RBFOX1: variants seen among roughly 807,000 people sequenced by gnomAD.
RBFOX1 encodes RNA binding protein fox-1 homolog 1.
In RBFOX1, 8 loss-of-function variants were observed where a neutral mutation model predicts 57.7. The observed-to-expected ratio is 0.14, with a 90% CI of 0.08 to 0.25. The LOEUF is 0.25. RBFOX1 is among the 10% of genes least tolerant of loss of function. The probability of loss-of-function intolerance (pLI) is 1.00; values close to 1 mark genes in which losing one functional copy is unlikely to be tolerated. For synonymous variants in RBFOX1, 326 were observed against 222.4 expected, an observed-to-expected ratio of 1.47 and a Z score of -4.15; for missense variants, 611 against 548.5, an observed-to-expected ratio of 1.11 and a Z score of -1.14.
chr16:7,329,897 T>A (rs923714776), intron 4 of RBFOX1, among the ~76,000 whole-genome samples: 1 of 152,196 alleles, frequency 6.6e-6, no homozygotes, highest in African/African-American at 2.4e-5. Context: ...CCTACTAAAA[T>A]CAGCAGATTC....
At chr16:5,941,713 AT>A (rs142149498) in intron 4 of RBFOX1, among the ~76,000 whole-genome samples, 4,868 of 151,162 alleles carry the variant, frequency 0.032, 299 homozygotes, top group East Asian at 0.2. Context: ...GAATTATCCC[AT>A]TTTTTTTTCC....
intron 4 of RBFOX1, among the ~76,000 whole-genome samples, chr16:7,096,475 C>T (rs1012256030): frequency 3.3e-5 from 5 of 152,140 alleles, no homozygotes; most frequent in Admixed American, 1.3e-4. Flanking sequence ...GGGTGGACCA[C>T]ACTCATCCAA....
At chr16:5,441,648 A>C (rs756904627) in intron 1 of RBFOX1, among the ~76,000 whole-genome samples, 2 of 152,160 alleles carry the variant, frequency 1.3e-5, no homozygotes, top group Non-Finnish European at 2.9e-5. Context: ...TATGGGTGTG[A>C]GCCACTGTTC....
chr16:5,888,756 C>T (rs2057962949), intron 4 of RBFOX1, among the ~76,000 whole-genome samples: 1 of 142,924 alleles, frequency 7.0e-6, no homozygotes, highest in South Asian at 2.2e-4. Context: ...GCGATCGTGC[C>T]ACTGCACTCC....
intron 3 of RBFOX1, among the ~76,000 whole-genome samples, chr16:5,631,557 A>T (rs60197222): frequency 0.051 from 7,016 of 138,930 alleles, 541 homozygotes; most frequent in African/African-American, 0.17. Flanking sequence ...CTCCATATTT[A>T]AAAAAAAAAA....
At chr16:5,515,378 A>G (rs543487562) in intron 2 of RBFOX1, among the ~76,000 whole-genome samples, 2 of 152,234 alleles carry the variant, frequency 1.3e-5, no homozygotes, top group East Asian at 1.9e-4. Context: ...GATCAAGTAC[A>G]GGAAAGGAAC....
At chr16:5,736,827 C>A (rs1297759633) in intron 3 of RBFOX1, among the ~76,000 whole-genome samples, 1 of 149,900 alleles carries the variant, frequency 6.7e-6, no homozygotes, top group Non-Finnish European at 1.5e-5. Context: ...TTCTTTTTTC[C>A]CTCTTTTCTC....
In RBFOX1 at chr16:7,689,549, A is replaced by T. The variant is rs138071369; in HGVS notation, c.995+12711A>T. Among the ~76,000 whole-genome samples, 122 of 152,198 alleles carry T rather than the reference A, an allele frequency of 8.0e-4. 1 individual carries two copies. The highest frequency in any genetic ancestry group is 2.7e-3 in the African/African-American group (114 of 41,560). On this transcript the variant is annotated intron_variant, in intron 14 of 15. Coordinates refer to ENST00000550418, the MANE Select transcript of RBFOX1 (RefSeq NM_018723.4). ...CCAGACCTCTCTCCTGGAAATTCTG[A>T]TTCAGGTGGTCAGAGTTGAAACCCA...
At chr16:7,313,567 C>T (rs915617442) in intron 4 of RBFOX1, among the ~76,000 whole-genome samples, 44 of 149,282 alleles carry the variant, frequency 2.9e-4, no homozygotes, top group East Asian at 9.8e-4. Flanking sequence ...ATTTAGGTAA[C>T]GAGATAAGCC....
At chr16:7,167,400 G>A (rs1165707516) in intron 4 of RBFOX1, among the ~76,000 whole-genome samples, 2 of 152,006 alleles carry the variant, frequency 1.3e-5, no homozygotes, top group African/African-American at 4.8e-5. Flanking sequence ...AATGGAGGGA[G>A]ATTTGAAAAC....
chr16:6,588,634 A>C (rs1337946191), intron 2 of RBFOX1, among the ~76,000 whole-genome samples: 3 of 152,234 alleles, frequency 2.0e-5, no homozygotes, highest in Admixed American at 2.0e-4. Context: ...TCTGGGCAAC[A>C]GAGTGAGACT....
intron 3 of RBFOX1, among the ~76,000 whole-genome samples, chr16:6,817,304 C>G (rs888903849): frequency 5.3e-5 from 8 of 152,072 alleles, no homozygotes; most frequent in African/African-American, 1.7e-4. Context: ...ACACATTTAA[C>G]CAAAGCCCCT....
At chr16:6,875,698 G>A (rs566317073) in intron 3 of RBFOX1, among the ~76,000 whole-genome samples, 39 of 152,300 alleles carry the variant, frequency 2.6e-4, no homozygotes, top group South Asian at 1.7e-3. Flanking sequence ...CCCCTTCTCT[G>A]GTAGCCTAAA....
chr16:7,707,870 C>G (rs1353378938), intron 14 of RBFOX1, among the ~76,000 whole-genome samples: 3 of 152,204 alleles, frequency 2.0e-5, no homozygotes, highest in Admixed American at 6.5e-5. Flanking sequence ...TGAGGACACC[C>G]CATTCGGTAA....
At chr16:5,665,979 A>T (rs1268433067) in intron 3 of RBFOX1, among the ~76,000 whole-genome samples, 1 of 152,232 alleles carries the variant, frequency 6.6e-6, no homozygotes, top group Non-Finnish European at 1.5e-5. Context: ...GGTGAATGGG[A>T]TAATCAGGCC....
At chr16:6,818,702 C>G (rs752912186) in intron 3 of RBFOX1, among the ~76,000 whole-genome samples, 4 of 152,216 alleles carry the variant, frequency 2.6e-5, no homozygotes, top group African/African-American at 4.8e-5. Flanking sequence ...TAGAGAAGTC[C>G]TCTCTTCCAC....
intron 2 of RBFOX1, among the ~76,000 whole-genome samples, chr16:6,534,305 C>G (rs1161462093): frequency 6.6e-6 from 1 of 151,910 alleles, no homozygotes; most frequent in Non-Finnish European, 1.5e-5. Context: ...ATAACATACT[C>G]AGCAAGAGAA....
intron 3 of RBFOX1, among the ~76,000 whole-genome samples, chr16:5,798,421 A>G (rs2054949193): frequency 6.6e-6 from 1 of 152,206 alleles, no homozygotes; most frequent in Non-Finnish European, 1.5e-5. Flanking sequence ...CTAAAGGATG[A>G]AAGGGTTTAT....
chr16:6,978,084 G>A (rs1245805511), intron 3 of RBFOX1, among the ~76,000 whole-genome samples: 1 of 151,268 alleles, frequency 6.6e-6, no homozygotes, highest in Non-Finnish European at 1.5e-5. Context: ...CCTTCATGTG[G>A]GTGTCAATTA....
Sources: gnomAD v4.1 joint callset for allele counts (sites outside exome capture counted in the v4.1 genomes callset) on GRCh38, gnomAD v4.1.1 for gene constraint, MANE v1.5 for transcripts, NCBI Gene and HGNC (gene_info 2026-07-23, HGNC 2026-07-21) for gene names.